The following NBEA variants were observed in gnomAD, a reference collection of about 807,000 sequenced individuals.
NBEA encodes neurobeachin, also known as lysosomal-trafficking regulator 2.
In NBEA, 44 loss-of-function variants were observed where a neutral mutation model predicts 343.4. That is an observed-to-expected ratio of 0.13 (90% CI 0.10 to 0.16). The LOEUF is 0.16. Ranked by LOEUF, NBEA falls within the 10% of genes least tolerant of loss-of-function variation. NBEA has a pLI of 1.00. For missense variants in NBEA, 2,555 were observed against 3,631.3 expected, an observed-to-expected ratio of 0.70 and a Z score of 7.62; for synonymous variants, 1,175 against 1,238.7, an observed-to-expected ratio of 0.95 and a Z score of 1.08.
chr13:35,090,472 T>C (rs1263951326), intron 10 of NBEA, among the ~76,000 whole-genome samples: 1 of 151,974 alleles, frequency 6.6e-6, no homozygotes, highest in Non-Finnish European at 1.5e-5. Context: ...GTTTCTTAGC[T>C]GGTAAAATTA....
At chr13:35,309,472 A>G (rs2037212343) in intron 35 of NBEA, 56 bp from the exon 36 acceptor site, 2 of 919,638 alleles carry the variant, frequency 2.2e-6, no homozygotes, top group Middle Eastern at 2.3e-4. Flanking sequence ...TTAAACCAGA[A>G]GTTACTTTCA....
intron 51 of NBEA, among the ~76,000 whole-genome samples, chr13:35,647,949 C>T (rs1449042490): frequency 1.3e-5 from 2 of 152,050 alleles, no homozygotes; most frequent in Non-Finnish European, 2.9e-5. Flanking sequence ...GATCATGGCT[C>T]ACTGCAGCCT....
At chr13:35,213,700 G>A (rs1205360096) in intron 33 of NBEA, among the ~76,000 whole-genome samples, 1 of 150,172 alleles carries the variant, frequency 6.7e-6, no homozygotes, top group African/African-American at 2.4e-5. Context: ...TGAATATTTT[G>A]TATGTTTCTA....
intron 47 of NBEA, among the ~76,000 whole-genome samples, chr13:35,599,541 CAAGGG>C (rs1015221762): frequency 1.3e-5 from 2 of 152,186 alleles, no homozygotes; most frequent in African/African-American, 4.8e-5. Flanking sequence ...GTTTCTATAG[CAAGGG>C]AGCCACTCTA....
chr13:35,039,507 G>A (rs1337712819), intron 1 of NBEA, among the ~76,000 whole-genome samples: 1 of 152,096 alleles, frequency 6.6e-6, no homozygotes, highest in Non-Finnish European at 1.5e-5. Flanking sequence ...GAACTTGCAT[G>A]AAGACAGAAT....
intron 38 of NBEA, among the ~76,000 whole-genome samples, chr13:35,375,143 A>G (rs1179109114): frequency 6.6e-6 from 1 of 152,136 alleles, no homozygotes; most frequent in Non-Finnish European, 1.5e-5. Context: ...TCACTTTCGC[A>G]CTGCTTTCCT....
Position 34,992,572 on chromosome 13 carries a change from A to C in NBEA, c.295-48361A>C, listed in dbSNP as rs113198807. ...AGGAGCTAGGATGAAATACATAAATAAGAGTTAAACATTTGACTTGGTAAC... is the reference window on the plus strand; with the variant it reads ...AGGAGCTAGGATGAAATACATAAATCAGAGTTAAACATTTGACTTGGTAAC... On this transcript the variant is annotated intron_variant, in intron 1 of 58. Coordinates refer to ENST00000379939, the MANE Select transcript of NBEA (RefSeq NM_001385012.1). Among the ~76,000 whole-genome samples the C allele has an allele frequency of 9.1e-3, 1,377 of 152,046 alleles. 23 individuals are homozygous for C. Among genetic ancestry groups the C allele is most frequent in the African/African-American group, 0.031 (1,301 of 41,472 alleles).
At chr13:35,092,477 G>T (rs1203264625) in intron 10 of NBEA, among the ~76,000 whole-genome samples, 1 of 151,920 alleles carries the variant, frequency 6.6e-6, no homozygotes, top group Non-Finnish European at 1.5e-5. Flanking sequence ...TTTGACAAAG[G>T]ATTTATGTCA....
At chr13:35,291,963 C>A (rs2035828227) in intron 35 of NBEA, among the ~76,000 whole-genome samples, 1 of 151,888 alleles carries the variant, frequency 6.6e-6, no homozygotes, top group African/African-American at 2.4e-5. Context: ...TAAAATAATT[C>A]AGTGTTTTTA....
chr13:35,399,227 A>C (rs558251330), intron 38 of NBEA, among the ~76,000 whole-genome samples: 38 of 152,280 alleles, frequency 2.5e-4, no homozygotes, highest in African/African-American at 9.1e-4. Flanking sequence ...AGGCCACTCA[A>C]ACTTTTTCCA....
intron 34 of NBEA, among the ~76,000 whole-genome samples, chr13:35,269,762 T>C (rs2033983535): frequency 6.6e-6 from 1 of 152,094 alleles, no homozygotes; most frequent in Non-Finnish European, 1.5e-5. Flanking sequence ...TGTTTGGATA[T>C]AGAGGAAAAA....
intron 38 of NBEA, among the ~76,000 whole-genome samples, chr13:35,355,172 T>C (rs1192200539): frequency 6.6e-6 from 1 of 151,894 alleles, no homozygotes; most frequent in African/African-American, 2.4e-5. Context: ...GCCACATCAT[T>C]CTCACTTGAC....
intron 38 of NBEA, among the ~76,000 whole-genome samples, chr13:35,398,332 A>T (rs372833691): frequency 6.6e-6 from 1 of 152,164 alleles, no homozygotes; most frequent in African/African-American, 2.4e-5. Flanking sequence ...TAATGTTGAT[A>T]TTTTGACATC....
chr13:35,298,187 A>ATGTGTGTG (rs1216541038), intron 35 of NBEA, among the ~76,000 whole-genome samples: 7 of 115,170 alleles, frequency 6.1e-5, no homozygotes, highest in African/African-American at 9.9e-5. Flanking sequence ...GTGTGTGTGT[A>ATGTGTGTG]TGTGTGTGTG....
At chr13:35,475,150 T>C in intron 41 of NBEA, 1 of 1,614,068 alleles carries the variant, frequency 6.2e-7, no homozygotes, top group Non-Finnish European at 8.5e-7. Flanking sequence ...TGAGTGAGGT[T>C]TGCCTTGAAA....
chr13:35,338,194 C>CA (rs1371716203), intron 36 of NBEA, among the ~76,000 whole-genome samples: 4 of 150,276 alleles, frequency 2.7e-5, no homozygotes, highest in African/African-American at 9.7e-5. Context: ...AAAAGACCAA[C>CA]AAAATTGAAA....
chr13:35,168,661 C>G lies in NBEA; in HGVS notation c.4234-326C>G, dbSNP rs540929657. Among the ~76,000 whole-genome samples, 3 of 151,296 alleles carry G rather than the reference C, an allele frequency of 2.0e-5. No homozygotes were observed. In the South Asian group the frequency reaches 6.2e-4, roughly 31 times the overall value. The stretch of plus-strand genomic sequence containing the variant: ...TGTTAGCTTATTTATTAAAATGTTC[C>G]ATTAATTATAGGAAAAGATACTTGT... On this transcript the variant is annotated intron_variant, in intron 24 of 58. Transcript: ENST00000379939.
chr13:35,568,867 A>G (rs2080260321), intron 45 of NBEA, among the ~76,000 whole-genome samples: 1 of 152,158 alleles, frequency 6.6e-6, no homozygotes, highest in Admixed American at 6.5e-5. Context: ...AGGAACAAGA[A>G]CTCTGCAGCT....
chr13:35,098,455 G>A, intron 11 of NBEA, 50 bp downstream of exon 11: 1 of 1,319,256 alleles, frequency 7.6e-7, no homozygotes, highest in Non-Finnish European at 1.1e-6. Context: ...CAGTTGGACA[G>A]CTGTTAATCA....
Sources: gnomAD v4.1 joint callset for allele counts (sites outside exome capture counted in the v4.1 genomes callset) on GRCh38, gnomAD v4.1.1 for gene constraint, MANE v1.5 for transcripts, NCBI Gene and HGNC (gene_info 2026-07-23, HGNC 2026-07-21) for gene names.